RBBP6: variants seen among roughly 807,000 people sequenced by gnomAD.
The protein encoded by RBBP6 is E3 ubiquitin-protein ligase RBBP6.
A neutral mutation model predicts 167.7 loss-of-function variants in RBBP6; 25 were observed. That is an observed-to-expected ratio of 0.15 (90% CI 0.11 to 0.21). RBBP6 has a LOEUF of 0.21. Among genes scored for constraint, RBBP6 ranks in the 10% least tolerant of loss-of-function variants. RBBP6 has a pLI of 1.00. For synonymous variants in RBBP6, 789 were observed against 735.8 expected, an observed-to-expected ratio of 1.07 and a Z score of -1.17; for missense variants, 1,868 against 2,134.2, an observed-to-expected ratio of 0.88 and a Z score of 2.46.
In RBBP6 at chr16:24,555,926, A is replaced by G. The variant is rs768293136; in HGVS notation, c.534+9A>G. 4 of 1,555,530 alleles carry G rather than the reference A, an allele frequency of 2.6e-6. No individual in the cohort carries two copies. The East Asian group carries it at 6.7e-5, about 26-fold the overall frequency. On this transcript the variant is annotated intron_variant, in intron 6 of 17. Transcript: ENST00000319715. ...ATTGCCCAACAAATGGGGTAAGTTC[A>G]AAGCAGAAACTATGGTATATCTTAC...
rs1429092944 is a variant in RBBP6, at chr16:24,569,899, A to T, written c.3209A>T (p.Asp1070Val). 6.2e-7 allele frequency: 1 copy of T among 1,611,270 alleles called. No individual in the cohort carries two copies. The highest frequency in any genetic ancestry group is 8.5e-7 in the Non-Finnish European group (1 of 1,179,412). The change falls in exon 17 of 18, where the codon GAC (aspartate) becomes GTC (valine). Residue 1070 changes from aspartate to valine, a missense_variant. Physicochemically the swap from Asp to Val is radical, Grantham distance 152. This residue lies in a region of RBBP6 where 673 missense variants were observed against 691.5 expected (regional missense o/e 0.97). Transcript: ENST00000319715. ...KKAKEETPKTDNTKSSSSSQK... is the reference protein window; with the variant it reads ...KKAKEETPKTVNTKSSSSSQK... Reference sequence around the variant, plus strand: ...GCCAAAGAGGAGACTCCGAAGACTGACAATACTAAATCATCATCTTCCTCT... The same window carrying T: ...GCCAAAGAGGAGACTCCGAAGACTGTCAATACTAAATCATCATCTTCCTCT...
intron 14 of RBBP6, among the ~76,000 whole-genome samples, chr16:24,566,399 G>A (rs1318086170): frequency 1.3e-5 from 2 of 152,166 alleles, no homozygotes; most frequent in Admixed American, 6.5e-5. Context: ...ATTCTGCTTT[G>A]TATGATCTTT....
chr16:24,546,131 A>G (rs773780465), intron 1 of RBBP6, 32 bp from the exon 2 acceptor site: 8 of 1,549,256 alleles, frequency 5.2e-6, no homozygotes, highest in South Asian at 2.5e-5. Context: ...AAATCCCCAA[A>G]TGGAAATTCA....
At chr16:24,559,698 G>A (rs907286180) in intron 8 of RBBP6, 21 bp downstream of exon 8, 25 of 1,505,168 alleles carry the variant, frequency 1.7e-5, no homozygotes, top group Non-Finnish European at 2.1e-5. Context: ...CTGAATCTTG[G>A]AAGATGTATA....
intron 1 of RBBP6, among the ~76,000 whole-genome samples, chr16:24,543,228 C>T (rs138916531): frequency 0.014 from 2,142 of 151,788 alleles, 21 homozygotes; most frequent in Middle Eastern, 0.049. Context: ...CCCTAATCTA[C>T]CATGTTTCTG....
chr16:24,539,649 C>T lies in RBBP6; in HGVS notation c.-978C>T, dbSNP rs891128387. On this transcript the variant is annotated 5_prime_UTR_variant, in exon 1 of 18. Coordinates refer to ENST00000319715, the MANE Select transcript of RBBP6 (RefSeq NM_006910.5). ...GTCGCCGCCGCTCGGTGAGAGCCCC[C>T]GAGCGGCAGGGGGCCAACACAAAAA... 1 of 152,134 alleles carries T rather than the reference C, an allele frequency of 6.6e-6. No individual in the cohort carries two copies. The highest frequency in any genetic ancestry group is 6.5e-5 in the Admixed American group (1 of 15,284). 9.4% of individuals were successfully genotyped at this position (152,134 alleles called of 1,614,324 possible).
Position 24,571,574 on chromosome 16 carries a change from G to A in RBBP6, c.4508G>A (p.Arg1503Gln), listed in dbSNP as rs780815708. 2.7e-5 allele frequency: 43 copies of A among 1,612,490 alleles called. No homozygotes were observed. The Middle Eastern group carries it at 4.9e-4, about 19-fold the overall frequency. Residue 1503 changes from arginine (R) to glutamine (Q), a missense_variant, in exon 18 of 18, where the codon CGG becomes CAG. By Grantham distance (43) the Arg-to-Gln change is conservative. This residue lies in a region of RBBP6 where 591 missense variants were observed against 540.5 expected (regional missense o/e 1.09). Transcript: ENST00000319715. The part of the protein sequence containing the change: ...ELTRRKDSPS[R>Q]NKDSASGQKN... ...ACAAGACGAAAAGACTCTCCTTCTC[G>A]GAATAAAGATTCTGCATCTGGACAG...
chr16:24,567,117 T>C, intron 14 of RBBP6, 26 bp from the exon 15 acceptor site: 1 of 1,593,660 alleles, frequency 6.3e-7, no homozygotes, highest in Admixed American at 1.7e-5. Context: ...TTTGAAGAAG[T>C]AATATCTTGG....
intron 14 of RBBP6, among the ~76,000 whole-genome samples, chr16:24,565,995 G>C (rs1271903610): frequency 6.6e-6 from 1 of 152,188 alleles, no homozygotes; most frequent in Admixed American, 6.5e-5. Flanking sequence ...AGCTTAGGAA[G>C]TCAAGGCTGC....
At chr16:24,547,968 A>G (rs1015198823) in intron 2 of RBBP6, among the ~76,000 whole-genome samples, 1 of 152,146 alleles carries the variant, frequency 6.6e-6, no homozygotes, top group Non-Finnish European at 1.5e-5. Flanking sequence ...TCTGTTTGTA[A>G]TAAATTTGCC....
At chr16:24,566,091 TCTA>T (rs1899188822) in intron 14 of RBBP6, among the ~76,000 whole-genome samples, 1 of 152,116 alleles carries the variant, frequency 6.6e-6, no homozygotes, top group African/African-American at 2.4e-5. Context: ...CGGGATATCT[TCTA>T]GTGCTTCATT....
At position 24,539,579 on chromosome 16, in the gene RBBP6, C is replaced by G. The variant is rs1411148626; in HGVS notation, c.-1048C>G. 6.6e-6 allele frequency: 1 copy of G among 152,172 alleles called. No homozygotes were observed. Among genetic ancestry groups the G allele is most frequent in the East Asian group, 1.9e-4 (1 of 5,152 alleles). The allele number at this position is 152,172 out of a possible 1,614,324, so 9.4% of individuals were successfully genotyped here. A position where few individuals can be genotyped will look rare whatever the true frequency, so the allele number is the denominator to read the frequency against. On this transcript the variant is annotated 5_prime_UTR_variant, in exon 1 of 18. Transcript: ENST00000319715. ...TTAAGAGACCCCGCAGTGGGGCGCTCGTCCGAAGCCAGGCCGCGTCCGCCA... is the reference window on the plus strand; with the variant it reads ...TTAAGAGACCCCGCAGTGGGGCGCTGGTCCGAAGCCAGGCCGCGTCCGCCA...
rs1596516358 is a variant in RBBP6 at position 24,571,908 on chromosome 16, T to C, written c.4842T>C (p.Pro1614=). 4 of 1,614,124 alleles carry C rather than the reference T, an allele frequency of 2.5e-6. No individual in the cohort carries two copies. The highest frequency in any genetic ancestry group is 3.4e-6 in the Non-Finnish European group (4 of 1,179,994). Residue 1614 remains proline, a synonymous_variant, in exon 18 of 18, where the codon CCT becomes CCC. Transcript: ENST00000319715. The part of the protein sequence containing the change: ...TGQIDKSTVK[P]KPQLSHSSRL... ...AAATTGACAAGAGTACTGTCAAGCC[T>C]AAACCCCAGTTAAGTCATTCCTCTA...
Position 24,563,238 on chromosome 16 carries a change from A to G in RBBP6, c.1329A>G (p.Ala443=), listed in dbSNP as rs1264799518. 6.2e-7 allele frequency: 1 copy of G among 1,611,612 alleles called. No individual in the cohort carries two copies. The highest frequency in any genetic ancestry group is 8.5e-7 in the Non-Finnish European group (1 of 1,178,748). The change falls in exon 11 of 18, where the codon GCA becomes GCG. Residue 443 remains alanine (A), a synonymous_variant. Coordinates refer to ENST00000319715, the MANE Select transcript of RBBP6 (RefSeq NM_006910.5). ...AAATATTGCCAGCTGCAGCTCTTGC[A>G]TCAGAGCACTCAAAGGGAACCTCCT... ...DNKILPAAAL[A]SEHSKGTSSI... is the part of the protein sequence containing the mutation.
Position 24,569,358 on chromosome 16 carries a change from A to G in RBBP6, c.2668A>G (p.Arg890Gly). 2 of 1,614,194 alleles carry G rather than the reference A, an allele frequency of 1.2e-6. No homozygotes were observed. The highest frequency in any genetic ancestry group is 1.1e-5 in the South Asian group (1 of 91,084). ...REDYVGGQSH[R>G]SRNIGSNYPE... Reference sequence around the variant, plus strand: ...AGACTATGTTGGTGGGCAAAGTCATAGAAGTCGAAACATAGGTAGCAACTA... The same window carrying G: ...AGACTATGTTGGTGGGCAAAGTCATGGAAGTCGAAACATAGGTAGCAACTA... The change falls in exon 17 of 18, where the codon AGA becomes GGA. Residue 890 changes from arginine to glycine, a missense_variant. Coordinates refer to ENST00000319715, the MANE Select transcript of RBBP6 (RefSeq NM_006910.5).
At chr16:24,542,435 C>T (rs1409497987) in intron 1 of RBBP6, among the ~76,000 whole-genome samples, 1 of 150,730 alleles carries the variant, frequency 6.6e-6, no homozygotes, top group Admixed American at 6.6e-5. Flanking sequence ...TCCATCTTTT[C>T]GACCCAACAA....
rs751954607 is a variant in RBBP6, at chr16:24,541,181, CAAA to C, written c.166+398_166+400del. 1.4e-4 allele frequency among the ~76,000 whole-genome samples: 8 copies of C among 58,044 alleles called. No individual in the cohort carries two copies. The East Asian group carries it at 2.0e-3, about 14-fold the overall frequency. The allele number at this position is 58,044 out of a possible 152,430, so 38.1% of individuals were successfully genotyped here. A position where few individuals can be genotyped will look rare whatever the true frequency, so the allele number is the denominator to read the frequency against. ...GTGCAAAGCTTGTTTGTTCAATCAG[CAAA>C]AAAAAAAACAAAAAAAAAACCAAAA... On this transcript the variant is annotated intron_variant, in intron 1 of 17. Coordinates refer to ENST00000319715, the MANE Select transcript of RBBP6 (RefSeq NM_006910.5).
In RBBP6 at chr16:24,570,203, A is replaced by G; in HGVS notation, c.3513A>G (p.Glu1171=). 1 of 1,610,068 alleles carries G rather than the reference A, an allele frequency of 6.2e-7. No individual in the cohort carries two copies. Among genetic ancestry groups the G allele is most frequent in the Non-Finnish European group, 8.5e-7 (1 of 1,179,186 alleles). ...CTTCAATGAAAATCTCGAAACTAGAAGTGACTGAAATAGTGAAACCATCAC... is the reference window on the plus strand; with the variant it reads ...CTTCAATGAAAATCTCGAAACTAGAGGTGACTGAAATAGTGAAACCATCAC... ...ESSSMKISKL[E]VTEIVKPSPK... Residue 1171 remains glutamate, a synonymous_variant, in exon 17 of 18, where the codon GAA becomes GAG. Transcript: ENST00000319715.
chr16:24,556,275 C>T (rs1440762840), intron 6 of RBBP6, 33 bp from the exon 7 acceptor site: 3 of 1,495,006 alleles, frequency 2.0e-6, no homozygotes, highest in Admixed American at 3.8e-5. Flanking sequence ...TGCTTTTTCT[C>T]TTCCTCCTCC....
Sources: gnomAD v4.1 joint callset for allele counts (sites outside exome capture counted in the v4.1 genomes callset) on GRCh38, gnomAD v4.1.1 for gene constraint, gnomAD v4.1.1 regional missense constraint, MANE v1.5 for transcripts, NCBI Gene and HGNC (gene_info 2026-07-23, HGNC 2026-07-21) for gene names.